RERG: variants seen among roughly 807,000 people sequenced by gnomAD.
The protein encoded by RERG is ras-related and estrogen-regulated growth inhibitor.
In RERG, 25 loss-of-function variants were observed where a neutral mutation model predicts 23.2. The ratio of observed to expected loss-of-function variants is 1.08; its 90% CI spans 0.79 to 1.50. RERG has a LOEUF of 1.50. Among genes scored for constraint, RERG ranks in the 40% most tolerant of loss-of-function variants. The probability of loss-of-function intolerance (pLI) is 0.00; values close to 1 mark genes in which losing one functional copy is unlikely to be tolerated. For synonymous variants in RERG, 81 were observed against 89.1 expected, an observed-to-expected ratio of 0.91 and a Z score of 0.51; for missense variants, 253 against 250.1, an observed-to-expected ratio of 1.01 and a Z score of -0.08.
chr12:15,188,821 A>G (rs1865028815), intron 2 of RERG, among the ~76,000 whole-genome samples: 1 of 152,190 alleles, frequency 6.6e-6, no homozygotes, highest in African/African-American at 2.4e-5. Context: ...AAAGGATGAA[A>G]TCAACTGTCC....
intron 2 of RERG, among the ~76,000 whole-genome samples, chr12:15,180,283 G>C (rs1864906205): frequency 6.6e-6 from 1 of 152,098 alleles, no homozygotes; most frequent in Admixed American, 6.5e-5. Context: ...CCTATTTCCA[G>C]GCTGAAGTGA....
intron 2 of RERG, chr12:15,154,253 C>G (rs1166442397): frequency 6.6e-6 from 1 of 152,356 alleles, no homozygotes; most frequent in East Asian, 1.9e-4. Flanking sequence ...CCGAGTCTCC[C>G]TGGCAATCAA....
chr12:15,214,037 T>TGTGC (rs1491533065), intron 2 of RERG, among the ~76,000 whole-genome samples: 5 of 95,652 alleles, frequency 5.2e-5, no homozygotes, highest in African/African-American at 2.6e-4. Context: ...TGTGTGTGTG[T>TGTGC]GCGCGTGTGT....
intron 2 of RERG, among the ~76,000 whole-genome samples, chr12:15,170,395 G>T (rs2136121297): frequency 6.6e-6 from 1 of 152,150 alleles, no homozygotes; most frequent in South Asian, 2.1e-4. Flanking sequence ...TGTACTTTCT[G>T]CCCAGTTTAG....
chr12:15,216,069 C>T (rs1466149478), intron 2 of RERG, among the ~76,000 whole-genome samples: 1 of 152,206 alleles, frequency 6.6e-6, no homozygotes, highest in Non-Finnish European at 1.5e-5. Flanking sequence ...AGGAGTTAGA[C>T]AAGCTCTTGC....
intron 2 of RERG, among the ~76,000 whole-genome samples, chr12:15,175,531 G>A (rs1346038686): frequency 6.6e-6 from 1 of 151,924 alleles, no homozygotes; most frequent in Non-Finnish European, 1.5e-5. Context: ...ACACAACCTT[G>A]CATGTAAGTG....
At chr12:15,175,333 C>G (rs868486082) in intron 2 of RERG, among the ~76,000 whole-genome samples, 36 of 112,248 alleles carry the variant, frequency 3.2e-4, no homozygotes, top group Middle Eastern at 9.7e-3. Context: ...CTCTCAGGCT[C>G]TGTGTGTGTG....
At chr12:15,197,495 T>C (rs1489311369) in intron 2 of RERG, among the ~76,000 whole-genome samples, 1 of 152,146 alleles carries the variant, frequency 6.6e-6, no homozygotes, top group African/African-American at 2.4e-5. Flanking sequence ...AGTAGATACA[T>C]GCTTTGGGAA....
rs1292651693 is a variant in RERG at position 15,196,438 on chromosome 12, C to T, written c.61+20991G>A. ...GACACCTTGTCTTAATCATTCTTTTCCCCTGAGGAAGTATTTCTCAAACAG... is the reference window on the plus strand; with the variant it reads ...GACACCTTGTCTTAATCATTCTTTTTCCCTGAGGAAGTATTTCTCAAACAG... On this transcript the variant is annotated intron_variant, in intron 2 of 4. Transcript: ENST00000256953. Among the ~76,000 whole-genome samples the T allele has an allele frequency of 2.6e-5, 4 of 152,250 alleles. No individual in the cohort carries two copies. In the East Asian group the frequency reaches 7.8e-4, roughly 30 times the overall value.
At chr12:15,117,130 T>G (rs2900344) in intron 3 of RERG, among the ~76,000 whole-genome samples, 96,985 of 146,858 alleles carry the variant, frequency 0.66, 32,201 homozygotes, top group Admixed American at 0.74. Context: ...GTTAATCTTT[T>G]TACTGATTTA....
intron 2 of RERG, among the ~76,000 whole-genome samples, chr12:15,176,041 A>G (rs1394207740): frequency 2.6e-5 from 4 of 152,224 alleles, no homozygotes; most frequent in Admixed American, 2.0e-4. Flanking sequence ...GTTAATTTCT[A>G]GAAGTCTAAA....
chr12:15,213,718 T>C (rs1250749039), intron 2 of RERG, among the ~76,000 whole-genome samples: 2 of 152,226 alleles, frequency 1.3e-5, no homozygotes, highest in African/African-American at 4.8e-5. Context: ...TGCTGACATG[T>C]CTGTGGTCAA....
chr12:15,126,745 CAG>C (rs1015800903), intron 2 of RERG, among the ~76,000 whole-genome samples: 5 of 71,628 alleles, frequency 7.0e-5, no homozygotes, highest in African/African-American at 1.9e-4. Context: ...TTTTTTGAGA[CAG>C]AGTCTCGCTC....
At chr12:15,195,600 T>TGTGTGC (rs1865134086) in intron 2 of RERG, among the ~76,000 whole-genome samples, 3 of 144,766 alleles carry the variant, frequency 2.1e-5, no homozygotes, top group South Asian at 4.4e-4. Context: ...TGTGTGTGTG[T>TGTGTGC]GCATGTGTGT....
intron 2 of RERG, among the ~76,000 whole-genome samples, chr12:15,164,450 T>C (rs1004650961): frequency 1.3e-5 from 2 of 152,190 alleles, no homozygotes; most frequent in Non-Finnish European, 2.9e-5. Context: ...GAACAAGGCT[T>C]GCACCCCCAA....
intron 2 of RERG, among the ~76,000 whole-genome samples, chr12:15,133,280 G>A (rs113495230): frequency 4.6e-5 from 7 of 151,118 alleles, no homozygotes; most frequent in African/African-American, 1.7e-4. Context: ...AACAATCTCT[G>A]ATCGTTTTAC....
chr12:15,197,775 G>A (rs1379371451), intron 2 of RERG, among the ~76,000 whole-genome samples: 4 of 152,136 alleles, frequency 2.6e-5, no homozygotes, highest in Non-Finnish European at 4.4e-5. Context: ...CTATACGGAA[G>A]GAAGCAGAAC....
chr12:15,135,157 T>G (rs1284986358), intron 2 of RERG, among the ~76,000 whole-genome samples: 1 of 152,214 alleles, frequency 6.6e-6, no homozygotes, highest in Non-Finnish European at 1.5e-5. Context: ...TTGTTAGATT[T>G]GTGGCTAAAT....
chr12:15,151,356 G>A (rs891373170), intron 2 of RERG, among the ~76,000 whole-genome samples: 2 of 152,112 alleles, frequency 1.3e-5, no homozygotes, highest in Non-Finnish European at 2.9e-5. Flanking sequence ...CCACAGCTTT[G>A]AACCATTTAC....
Sources: gnomAD v4.1 joint callset for allele counts (sites outside exome capture counted in the v4.1 genomes callset) on GRCh38, gnomAD v4.1.1 for gene constraint, MANE v1.5 for transcripts, NCBI Gene and HGNC (gene_info 2026-07-23, HGNC 2026-07-21) for gene names.